Variants in PRKCA observed in about 807,000 individuals in gnomAD.
PRKCA encodes the protein protein kinase C alpha type.
Under a neutral mutation model 87.0 loss-of-function variants are expected in PRKCA, and 27 were observed. The ratio of observed to expected loss-of-function variants is 0.31; its 90% confidence interval spans 0.23 to 0.43. The LOEUF is 0.43. Among genes scored for constraint, PRKCA ranks in the 20% least tolerant of loss-of-function variants. The pLI, the probability that PRKCA is intolerant of heterozygous loss-of-function variation, is 1.00. For synonymous variants in PRKCA, 329 were observed against 311.1 expected (o/e 1.06, Z -0.61); for missense variants, 518 against 852.3 (o/e 0.61, Z 4.88).
chr17:66,717,381 A>C (rs1973504734), intron 8 of PRKCA, among the ~76,000 whole-genome samples: 1 of 152,192 alleles, frequency 6.6e-6, no homozygotes, highest in Non-Finnish European at 1.5e-5. Flanking sequence ...TTACAGAAAA[A>C]GTTTGCTCAC....
At chr17:66,550,517 C>T (rs1024920132) in intron 3 of PRKCA, among the ~76,000 whole-genome samples, 6 of 152,010 alleles carry the variant, frequency 3.9e-5, no homozygotes, top group Non-Finnish European at 7.4e-5. Context: ...GGTGTGGTGG[C>T]GGACATCTGT....
At chr17:66,332,429 T>C (rs1321975741) in intron 2 of PRKCA, among the ~76,000 whole-genome samples, 1 of 151,952 alleles carries the variant, frequency 6.6e-6, no homozygotes, top group Non-Finnish European at 1.5e-5. Context: ...GGTTTCCCCA[T>C]GTTGGCCAGG....
intron 2 of PRKCA, among the ~76,000 whole-genome samples, chr17:66,467,887 A>G (rs1039416692): frequency 1.4e-4 from 22 of 152,098 alleles, no homozygotes; most frequent in African/African-American, 4.6e-4. Context: ...AAAAACAAAA[A>G]ATTAAAAAAA....
Position 66,460,977 on chromosome 17 carries a change from G to A in PRKCA, c.206-35224G>A, listed in dbSNP as rs531488474. Among the ~76,000 whole-genome samples the A allele has an allele frequency of 3.9e-5, 6 of 152,170 alleles. No individual in the cohort carries two copies. The South Asian group carries it at 1.0e-3, about 26-fold the overall frequency. ...TCCCAGCACTTTGGGAGGTTGAGGC[G>A]GGTGGATCATTTGAGCCCAGGAGTT... On this transcript the variant is annotated intron_variant, in intron 2 of 16. Coordinates refer to ENST00000413366, the MANE Select transcript of PRKCA (RefSeq NM_002737.3).
chr17:66,803,812 A>G lies in PRKCA; in HGVS notation c.1855-61A>G. ...GCCCCTCCCCAGAGAGGGCCCTCGG[A>G]GAGCTGCTCCCGCATTGTCATGTTG... On this transcript the variant is annotated intron_variant, in intron 16 of 16. Transcript: ENST00000413366. This position sits in a 1 kb window ranked among gnomAD's most constrained non-coding sequence, Gnocchi z 4.4. The G allele has an allele frequency of 1.3e-6, 2 of 1,583,302 alleles. No individual in the cohort carries two copies. The highest frequency in any genetic ancestry group is 8.6e-7 in the Non-Finnish European group (1 of 1,161,170).
At chr17:66,789,037 T>G (rs1346372107) in intron 16 of PRKCA, 58 bp downstream of exon 16, 1 of 1,601,976 alleles carries the variant, frequency 6.2e-7, no homozygotes, top group African/African-American at 1.4e-5. Context: ...TCTGGGAGTA[T>G]CCCACTCACC....
At chr17:66,495,101 C>CAAA (rs34731379) in intron 2 of PRKCA, among the ~76,000 whole-genome samples, 21 of 132,228 alleles carry the variant, frequency 1.6e-4, no homozygotes, top group East Asian at 6.8e-4. Context: ...GACCCGGTCT[C>CAAA]AAAAAAAAAA....
At chr17:66,327,366 C>CA (rs769256839) in intron 2 of PRKCA, among the ~76,000 whole-genome samples, 3,084 of 79,794 alleles carry the variant, frequency 0.039, 132 homozygotes, top group African/African-American at 0.15. Flanking sequence ...AACTCTGTCT[C>CA]AAAAAAAAAA....
In PRKCA at chr17:66,803,810, G is replaced by A. The variant is rs1004853128; in HGVS notation, c.1855-63G>A. On this transcript the variant is annotated intron_variant, in intron 16 of 16. Coordinates refer to ENST00000413366, the MANE Select transcript of PRKCA (RefSeq NM_002737.3). This position sits in a 1 kb window ranked among gnomAD's most constrained non-coding sequence, Gnocchi z 4.4. ...GTGCCCCTCCCCAGAGAGGGCCCTCGGAGAGCTGCTCCCGCATTGTCATGT... is the reference window on the plus strand; with the variant it reads ...GTGCCCCTCCCCAGAGAGGGCCCTCAGAGAGCTGCTCCCGCATTGTCATGT... 1.7e-5 allele frequency: 27 copies of A among 1,580,564 alleles called. No individual in the cohort carries two copies. Among genetic ancestry groups the A allele is most frequent in the South Asian group, 2.3e-5 (2 of 86,632 alleles).
intron 3 of PRKCA, among the ~76,000 whole-genome samples, chr17:66,579,407 T>A (rs72845934): frequency 0.11 from 16,329 of 152,074 alleles, 1,100 homozygotes; most frequent in East Asian, 0.15. Context: ...GATGGGAAAA[T>A]GAGGATGACG....
intron 2 of PRKCA, among the ~76,000 whole-genome samples, chr17:66,341,282 G>A (rs1907027888): frequency 6.6e-6 from 1 of 152,128 alleles, no homozygotes; most frequent in Non-Finnish European, 1.5e-5. Flanking sequence ...TAAATATTAA[G>A]TAAGCTCTTC....
chr17:66,539,895 A>C (rs1001859810), intron 3 of PRKCA, among the ~76,000 whole-genome samples: 2 of 152,224 alleles, frequency 1.3e-5, no homozygotes, highest in Non-Finnish European at 2.9e-5. Flanking sequence ...ATCACAGAAG[A>C]GTGAAAAGCA....
intron 5 of PRKCA, among the ~76,000 whole-genome samples, chr17:66,672,409 T>A (rs1193439784): frequency 1.3e-5 from 2 of 152,260 alleles, no homozygotes; most frequent in African/African-American, 2.4e-5. Flanking sequence ...TTTACTTTTC[T>A]CACCACTTCT....
intron 2 of PRKCA, among the ~76,000 whole-genome samples, chr17:66,458,852 C>T (rs1006248116): frequency 2.0e-5 from 3 of 152,080 alleles, no homozygotes; most frequent in South Asian, 2.1e-4. Context: ...CTTCCCAGTA[C>T]GTCATTGGAG....
At chr17:66,800,206 C>T (rs1352777985) in intron 16 of PRKCA, among the ~76,000 whole-genome samples, 2 of 152,218 alleles carry the variant, frequency 1.3e-5, no homozygotes, top group African/African-American at 4.8e-5. Context: ...AGATTTCTCC[C>T]TCTTTGAGTT....
At chr17:66,534,725 A>G (rs1200905534) in intron 3 of PRKCA, among the ~76,000 whole-genome samples, 3 of 152,190 alleles carry the variant, frequency 2.0e-5, no homozygotes, top group Admixed American at 2.0e-4. Context: ...GGCCCAATGT[A>G]TTTGAGTAAT....
At chr17:66,502,048 T>C (rs1916756301) in intron 3 of PRKCA, among the ~76,000 whole-genome samples, 1 of 152,192 alleles carries the variant, frequency 6.6e-6, no homozygotes, top group Admixed American at 6.5e-5. Flanking sequence ...ACCAGTGTCT[T>C]CTTGATCAGT....
chr17:66,535,528 T>A (rs571775777), intron 3 of PRKCA, among the ~76,000 whole-genome samples: 1 of 152,218 alleles, frequency 6.6e-6, no homozygotes, highest in South Asian at 2.1e-4. Flanking sequence ...GGGGTGGGTG[T>A]CCCCATCAGC....
chr17:66,767,980 A>T (rs1389098282), intron 13 of PRKCA, among the ~76,000 whole-genome samples: 1 of 152,160 alleles, frequency 6.6e-6, no homozygotes, highest in African/African-American at 2.4e-5. Flanking sequence ...TTTGAGATGA[A>T]GTCTTACTCT....
Sources: gnomAD v4.1 joint callset for allele counts (sites outside exome capture counted in the v4.1 genomes callset) on GRCh38, gnomAD v4.1.1 for gene constraint, Gnocchi (gnomAD v3.1) non-coding constraint, MANE v1.5 for transcripts, NCBI Gene and HGNC (gene_info 2026-07-23, HGNC 2026-07-21) for gene names.